PLEKHA3: variants seen among roughly 807,000 people sequenced by gnomAD.
PLEKHA3 encodes pleckstrin homology domain containing A3.
PLEKHA3 carries 19 observed loss-of-function variants against 39.2 expected under a neutral mutation model. That is an observed-to-expected ratio of 0.48 (90% CI 0.34 to 0.71). The LOEUF (loss-of-function observed/expected upper bound fraction) is 0.71. PLEKHA3 is among the 30% of genes least tolerant of loss of function. The probability of loss-of-function intolerance (pLI) is 0.01; values close to 1 mark genes in which losing one functional copy is unlikely to be tolerated. For missense variants in PLEKHA3, 253 were observed against 359.5 expected, an observed-to-expected ratio of 0.70 and a Z score of 2.40; for synonymous variants, 97 against 118.6, an observed-to-expected ratio of 0.82 and a Z score of 1.18.
intron 7 of PLEKHA3, 80 bp downstream of exon 7, chr2:178,501,256 G>A: frequency 1.0e-6 from 1 of 978,646 alleles, no homozygotes; most frequent in Non-Finnish European, 1.6e-6. Flanking sequence ...TGGAAATGAA[G>A]TATACTGACT....
intron 4 of PLEKHA3, among the ~76,000 whole-genome samples, chr2:178,495,081 G>A (rs952043833): frequency 6.6e-6 from 1 of 152,064 alleles, no homozygotes; most frequent in African/African-American, 2.4e-5. Context: ...GGAAGAAGTG[G>A]GAGAATGGAT....
intron 3 of PLEKHA3, among the ~76,000 whole-genome samples, chr2:178,491,979 G>A (rs540101481): frequency 6.6e-6 from 1 of 152,206 alleles, no homozygotes; most frequent in South Asian, 2.1e-4. Context: ...TCACTCCTTT[G>A]ACGACCTAAT....
At chr2:178,484,153 T>C (rs1355785113) in intron 1 of PLEKHA3, among the ~76,000 whole-genome samples, 1 of 152,228 alleles carries the variant, frequency 6.6e-6, no homozygotes, top group Non-Finnish European at 1.5e-5. Context: ...ATTTATTTAT[T>C]CAGTCACTTG....
intron 2 of PLEKHA3, among the ~76,000 whole-genome samples, chr2:178,490,090 T>G (rs1685320268): frequency 1.3e-5 from 2 of 152,158 alleles, no homozygotes; most frequent in African/African-American, 4.8e-5. Flanking sequence ...TCTCAGAGCA[T>G]CAAAGGAGGT....
chr2:178,497,103 G>T (rs1685461621), intron 5 of PLEKHA3, among the ~76,000 whole-genome samples: 4 of 151,726 alleles, frequency 2.6e-5, no homozygotes, highest in African/African-American at 9.7e-5. Context: ...CCTCTTTTAT[G>T]CTGAAGTGTA....
intron 6 of PLEKHA3, among the ~76,000 whole-genome samples, chr2:178,499,477 G>T (rs1264028637): frequency 6.6e-6 from 1 of 152,106 alleles, no homozygotes; most frequent in African/African-American, 2.4e-5. Flanking sequence ...AACCAGCAAG[G>T]TAAGCACGTT....
intron 2 of PLEKHA3, among the ~76,000 whole-genome samples, chr2:178,490,404 G>C (rs941603510): frequency 1.3e-5 from 2 of 152,200 alleles, no homozygotes; most frequent in African/African-American, 4.8e-5. Context: ...CTTCTCAGTA[G>C]TTAGTATGTC....
chr2:178,486,661 T>A (rs930605919), intron 2 of PLEKHA3, among the ~76,000 whole-genome samples: 1 of 152,252 alleles, frequency 6.6e-6, no homozygotes, highest in African/African-American at 2.4e-5. Flanking sequence ...TTACTCAACA[T>A]CATGTTTGTA....
At chr2:178,502,554 G>A (rs1685541280) in intron 7 of PLEKHA3, 1 of 177,132 alleles carries the variant, frequency 5.6e-6, no homozygotes, top group African/African-American at 2.4e-5. Context: ...AGTTCATGAA[G>A]GAGTTCTGTA....
Position 178,480,650 on chromosome 2 carries a change from T to G in PLEKHA3, c.-220T>G. The G allele has an allele frequency of 1.2e-5, 4 of 330,782 alleles. No homozygotes were observed. Among genetic ancestry groups the G allele is most frequent in the Non-Finnish European group, 1.6e-5 (3 of 184,914 alleles). 20.5% of individuals were successfully genotyped at this position (330,782 alleles called of 1,614,324 possible). A position where few individuals can be genotyped will look rare whatever the true frequency, so the allele number is the denominator to read the frequency against. ...GCCGCCGCCGAGGCTTACCCGGGAA[T>G]GTCTGGGCCCGCGCCTCGCGGCCCC... On this transcript the variant is annotated 5_prime_UTR_variant, in exon 1 of 8. The change abolishes an upstream ATG in the 5' untranslated region. Transcript: ENST00000234453.
rs1685623300 is a variant in PLEKHA3, at chr2:178,507,603, TTC to T, written c.*3718_*3719del. 1 of 151,426 alleles carries T rather than the reference TTC, an allele frequency of 6.6e-6. No homozygotes were observed. The highest frequency in any genetic ancestry group is 2.4e-5 in the African/African-American group (1 of 41,286). 9.4% of individuals were successfully genotyped at this position (151,426 alleles called of 1,614,324 possible). On this transcript the variant is annotated 3_prime_UTR_variant, in exon 8 of 8. Transcript: ENST00000234453. Reference sequence around the variant, plus strand: ...TTTGTACTGTTGCCCTCCAGGCCTGTTCTATGGTTCAGCAGTCATTCTGAAAC... The same window carrying T: ...TTTGTACTGTTGCCCTCCAGGCCTGTTATGGTTCAGCAGTCATTCTGAAAC...
In PLEKHA3 at chr2:178,516,413, C is replaced by T. The variant is rs548339388; in HGVS notation, c.*12526C>T. 1.5e-4 allele frequency: 23 copies of T among 151,634 alleles called. No individual in the cohort carries two copies. The highest frequency in any genetic ancestry group is 6.2e-4 in the South Asian group (3 of 4,802). 9.4% of individuals were successfully genotyped at this position (151,634 alleles called of 1,614,324 possible). ...TTTTTGTCATAAAAATTCTGCTTGTCGAAAATATTGTAGTAATTTTATAAA... is the reference window on the plus strand; with the variant it reads ...TTTTTGTCATAAAAATTCTGCTTGTTGAAAATATTGTAGTAATTTTATAAA... On this transcript the variant is annotated 3_prime_UTR_variant, in exon 8 of 8. Coordinates refer to ENST00000234453, the MANE Select transcript of PLEKHA3 (RefSeq NM_019091.4).
rs185690110 is a variant in PLEKHA3, at chr2:178,510,261, A to G, written c.*6374A>G. Reference sequence around the variant, plus strand: ...AAACATTCAAGCCTTAAGAAATCCAATCAGTTATAGTTACTTTAAAAGTTT... The same window carrying G: ...AAACATTCAAGCCTTAAGAAATCCAGTCAGTTATAGTTACTTTAAAAGTTT... On this transcript the variant is annotated 3_prime_UTR_variant, in exon 8 of 8. Transcript: ENST00000234453. The G allele has an allele frequency of 6.5e-6, 1 of 153,594 alleles. No individual in the cohort carries two copies. The highest frequency in any genetic ancestry group is 6.5e-5 in the Admixed American group (1 of 15,300). The allele number at this position is 153,594 out of a possible 1,614,324, so 9.5% of individuals were successfully genotyped here.
chr2:178,490,465 G>T (rs1051311618), intron 2 of PLEKHA3, among the ~76,000 whole-genome samples, 194 bp from the exon 3 acceptor site: 1 of 152,152 alleles, frequency 6.6e-6, no homozygotes, highest in Non-Finnish European at 1.5e-5. Context: ...TTGTTACCCC[G>T]GGTCTATATG....
intron 7 of PLEKHA3, chr2:178,502,368 GA>G: frequency 2.3e-6 from 1 of 428,468 alleles, no homozygotes. Flanking sequence ...AAGAAACCGG[GA>G]AGGGGAAGGG....
chr2:178,486,834 C>G (rs1685258229), intron 2 of PLEKHA3, among the ~76,000 whole-genome samples: 1 of 152,192 alleles, frequency 6.6e-6, no homozygotes, highest in Non-Finnish European at 1.5e-5. Flanking sequence ...CATAAACATT[C>G]TTACACATTT....
In PLEKHA3 at chr2:178,488,918, T is replaced by C. The variant is rs1473502759; in HGVS notation, c.158-1741T>C. On this transcript the variant is annotated intron_variant, in intron 2 of 7. Transcript: ENST00000234453. ...GTTTTGTGTTTAGAGGTCTTGTCCA[T>C]CTTTTCTGATGTTTTGGAAGCATCA... 9.2e-6 allele frequency: 4 copies of C among 434,188 alleles called. No homozygotes were observed. The East Asian group carries it at 2.9e-4, about 31-fold the overall frequency. The allele number at this position is 434,188 out of a possible 1,614,324, so 26.9% of individuals were successfully genotyped here. A position where few individuals can be genotyped will look rare whatever the true frequency, so the allele number is the denominator to read the frequency against.
chr2:178,486,578 C>T (rs1685253773), intron 2 of PLEKHA3, among the ~76,000 whole-genome samples: 1 of 147,906 alleles, frequency 6.8e-6, no homozygotes, highest in African/African-American at 2.5e-5. Context: ...ACTTTAATTG[C>T]CATACATAAG....
intron 1 of PLEKHA3, 100 bp downstream of exon 1, chr2:178,481,009 CAG>C: frequency 8.9e-7 from 1 of 1,118,216 alleles, no homozygotes; most frequent in African/African-American, 1.6e-5. Flanking sequence ...CGCGGACCCT[CAG>C]AGCGAATTCG....
Sources: allele counts gnomAD v4.1 joint callset (sites outside exome capture counted in the v4.1 genomes callset), GRCh38; gene constraint gnomAD v4.1.1; transcripts MANE v1.5; gene names NCBI Gene and HGNC (gene_info 2026-07-23, HGNC 2026-07-21).